The following SPG11 variants were observed in gnomAD, a reference collection of about 807,000 sequenced individuals.
SPG11 encodes spatacsin.
A neutral mutation model predicts 274.0 loss-of-function variants in SPG11; 222 were observed. That is an observed-to-expected ratio of 0.81 (90% CI 0.73 to 0.91). The LOEUF is 0.91. Ranked by LOEUF, SPG11 falls within the 40% of genes least tolerant of loss-of-function variation. SPG11 has a pLI of 0.00. For synonymous variants in SPG11, 1,144 were observed against 1,039.7 expected (o/e 1.10, Z -1.93); for missense variants, 3,114 against 2,872.7 (o/e 1.08, Z -1.92).
chr15:44,650,116 G>A (rs1425122088), intron 6 of SPG11, among the ~76,000 whole-genome samples: 1 of 152,184 alleles, frequency 6.6e-6, no homozygotes, highest in African/African-American at 2.4e-5. Context: ...TACCTTTGCA[G>A]AAGATGAATT....
intron 35 of SPG11, among the ~76,000 whole-genome samples, chr15:44,567,843 C>T (rs557731186): frequency 6.6e-6 from 1 of 152,176 alleles, no homozygotes; most frequent in Non-Finnish European, 1.5e-5. Flanking sequence ...ATAAGCTGAT[C>T]TAACAATTCC....
At chr15:44,570,715 C>G (rs2082405927) in intron 33 of SPG11, 57 bp from the exon 34 acceptor site, 7 of 1,592,246 alleles carry the variant, frequency 4.4e-6, no homozygotes, top group Non-Finnish European at 8.6e-7. Context: ...CCACTGTCAA[C>G]CTCTGCCTGG....
chr15:44,587,718 A>AAAAAAAAAAAAACAAAAAAC (rs1567141736), intron 28 of SPG11, among the ~76,000 whole-genome samples: 1 of 148,638 alleles, frequency 6.7e-6, no homozygotes, highest in African/African-American at 2.6e-5. Flanking sequence ...AAAAAAAAAA[A>AAAAAAAAAAAAACAAAAAAC]AACGTATTCC....
At chr15:44,579,394 C>T (rs1487594268) in intron 30 of SPG11, among the ~76,000 whole-genome samples, 3 of 149,186 alleles carry the variant, frequency 2.0e-5, no homozygotes, top group Non-Finnish European at 4.5e-5. Flanking sequence ...AATAGCTGGG[C>T]GTGGTGGCGC....
intron 28 of SPG11, among the ~76,000 whole-genome samples, chr15:44,587,717 A>C (rs1000023827): frequency 2.0e-5 from 3 of 150,846 alleles, no homozygotes; most frequent in Admixed American, 1.3e-4. Context: ...AAAAAAAAAA[A>C]AAACGTATTC....
rs2083031538 is a variant in SPG11, at chr15:44,596,144, A to C, written c.4373T>G (p.Leu1458Arg). ...CTGTTGTTTCACTGCTTCAACCAGA[A>C]GCCAGTGCCAGGAGTCTGGCTCCTC... is the stretch of plus-strand genomic sequence containing the variant. ...CSEEPDSWHWLLVEAVKQQAP... is the reference protein window; with the variant it reads ...CSEEPDSWHWRLVEAVKQQAP... Residue 1458 changes from leucine to arginine, a missense_variant, in exon 25 of 40, where the codon CTT becomes CGT. Transcript: ENST00000261866. The C allele has an allele frequency of 6.2e-7, 1 of 1,614,190 alleles. No homozygotes were observed. The highest frequency in any genetic ancestry group is 8.5e-7 in the Non-Finnish European group (1 of 1,180,038).
rs573319968 is a variant in SPG11 at position 44,629,418 on chromosome 15, A to C, written c.1736-30T>G. The C allele has an allele frequency of 2.5e-6, 4 of 1,605,612 alleles. No homozygotes were observed. The African/African-American group carries it at 5.3e-5, about 21-fold the overall frequency. ...GAAAGAACCAAAGAAATTAACATAA[A>C]GAACACCAGGATACTCACAATAAAA... On this transcript the variant is annotated intron_variant, in intron 8 of 39. Coordinates refer to ENST00000261866, the MANE Select transcript of SPG11 (RefSeq NM_025137.4).
At chr15:44,615,332 G>A (rs2083565153) in intron 16 of SPG11, 31 bp downstream of exon 16, 2 of 1,603,172 alleles carry the variant, frequency 1.2e-6, no homozygotes, top group Non-Finnish European at 8.5e-7. Flanking sequence ...GTGAAGACCT[G>A]CTCAAGGACA....
intron 29 of SPG11, among the ~76,000 whole-genome samples, chr15:44,585,064 GC>G (rs886170376): frequency 6.6e-6 from 1 of 152,102 alleles, no homozygotes; most frequent in African/African-American, 2.4e-5. Context: ...TTAAGTGGAA[GC>G]CCCCTTATAT....
chr15:44,613,671 C>T, intron 16 of SPG11, 135 bp from the exon 17 acceptor site: 3 of 618,572 alleles, frequency 4.8e-6, no homozygotes. Context: ...ACAAAATACT[C>T]CCACTCTTGT....
At chr15:44,608,360 C>T (rs755505725) in intron 19 of SPG11, 84 bp downstream of exon 19, 7 of 1,434,696 alleles carry the variant, frequency 4.9e-6, no homozygotes, top group Non-Finnish European at 6.8e-6. Context: ...CATTAAATGC[C>T]CTCCGGTTGA....
intron 19 of SPG11, among the ~76,000 whole-genome samples, chr15:44,606,669 G>A (rs1007520843): frequency 2.0e-5 from 3 of 152,084 alleles, no homozygotes. Flanking sequence ...GTCTATAAAC[G>A]GATCGTGGGA....
chr15:44,568,382 G>C (rs1292720988), intron 35 of SPG11, among the ~76,000 whole-genome samples: 1 of 152,218 alleles, frequency 6.6e-6, no homozygotes, highest in African/African-American at 2.4e-5. Flanking sequence ...AGATTGGTCT[G>C]TCCTGAAATT....
chr15:44,660,991 T>C (rs2085088471), intron 1 of SPG11, among the ~76,000 whole-genome samples: 2 of 152,158 alleles, frequency 1.3e-5, no homozygotes, highest in African/African-American at 4.8e-5. Flanking sequence ...CACAATAAAA[T>C]AGGCTTTTGA....
chr15:44,601,152 C>CA (rs1374122895), intron 20 of SPG11, among the ~76,000 whole-genome samples: 1 of 150,878 alleles, frequency 6.6e-6, no homozygotes, highest in Non-Finnish European at 1.5e-5. Context: ...AACTTCATTT[C>CA]AAAAAAACAA....
intron 35 of SPG11, among the ~76,000 whole-genome samples, chr15:44,567,896 G>A (rs193099338): frequency 4.5e-4 from 69 of 152,298 alleles, no homozygotes; most frequent in Non-Finnish European, 8.5e-4. Context: ...AGAGAAAAGT[G>A]CTAAGATGAA....
intron 31 of SPG11, 26 bp downstream of exon 31, chr15:44,574,876 G>C (rs939486459): frequency 1.2e-6 from 2 of 1,613,218 alleles, no homozygotes; most frequent in Non-Finnish European, 8.5e-7. Context: ...CTCTCAGAAA[G>C]AGGAGCCCCA....
intron 38 of SPG11, 100 bp from the exon 39 acceptor site, chr15:44,564,798 G>A: frequency 7.8e-7 from 1 of 1,288,170 alleles, no homozygotes; most frequent in Non-Finnish European, 1.1e-6. Flanking sequence ...CACTCATGTA[G>A]TGAATATGAT....
intron 10 of SPG11, among the ~76,000 whole-genome samples, chr15:44,628,379 T>G (rs2083962404): frequency 6.6e-6 from 1 of 152,260 alleles, no homozygotes; most frequent in Non-Finnish European, 1.5e-5. Flanking sequence ...GAGGGAGTAT[T>G]GCTAAGGAGT....
Sources: gnomAD v4.1 joint callset for allele counts (sites outside exome capture counted in the v4.1 genomes callset) on GRCh38, gnomAD v4.1.1 for gene constraint, MANE v1.5 for transcripts, NCBI Gene and HGNC (gene_info 2026-07-23, HGNC 2026-07-21) for gene names.